KCNIP4: variants seen among roughly 807,000 people sequenced by gnomAD.
The protein encoded by KCNIP4 is potassium voltage-gated channel interacting protein 4, also known as Kv channel-interacting protein 4.
KCNIP4 carries 12 observed loss-of-function variants against 34.0 expected under a neutral mutation model. The ratio of observed to expected loss-of-function variants is 0.35; its 90% CI spans 0.23 to 0.57. The LOEUF (loss-of-function observed/expected upper bound fraction) is 0.57, where lower values mean the gene tolerates loss of function less well. KCNIP4 is among the 20% of genes least tolerant of loss of function. The pLI is 0.83. For missense variants in KCNIP4, 238 were observed against 311.7 expected (o/e 0.76, Z 1.78); for synonymous variants, 124 against 102.2 (o/e 1.21, Z -1.29).
chr4:21,595,119 T>C (rs1742538690), intron 1 of KCNIP4, among the ~76,000 whole-genome samples: 1 of 152,188 alleles, frequency 6.6e-6, no homozygotes, highest in South Asian at 2.1e-4. Context: ...TAGCTATTTG[T>C]CCTAATGCTA....
chr4:21,910,864 T>C (rs1043810143), intron 1 of KCNIP4, among the ~76,000 whole-genome samples: 1 of 152,166 alleles, frequency 6.6e-6, no homozygotes, highest in African/African-American at 2.4e-5. Flanking sequence ...GTTAAGTGAT[T>C]AGTATTTTTA....
At position 21,320,964 on chromosome 4, in the gene KCNIP4, T is replaced by TTAAA. The variant is rs1553860312; in HGVS notation, c.62-438256_62-438255insTTTA. Among the ~76,000 whole-genome samples the TTAAA allele has an allele frequency of 3.6e-4, 37 of 102,904 alleles. No individual in the cohort carries two copies. In the South Asian group the frequency reaches 7.3e-3, roughly 20 times the overall value. The allele number at this position is 102,904 out of a possible 152,430, so 67.5% of individuals were successfully genotyped here. A position where few individuals can be genotyped will look rare whatever the true frequency, so the allele number is the denominator to read the frequency against. On this transcript the variant is annotated intron_variant, in intron 1 of 8. Transcript: ENST00000382152. ...TGGGCAATAGAGCAAGAATCTGTCT[T>TTAAA]AAAAAAAAAAAAAAAAAAGAGGAAA...
chr4:21,361,466 A>T (rs1207772742), intron 1 of KCNIP4, among the ~76,000 whole-genome samples: 1 of 152,082 alleles, frequency 6.6e-6, no homozygotes, highest in Non-Finnish European at 1.5e-5. Flanking sequence ...GAAAGACATT[A>T]TCTAGCACAC....
At chr4:21,394,478 G>A (rs913877971) in intron 1 of KCNIP4, among the ~76,000 whole-genome samples, 2 of 151,978 alleles carry the variant, frequency 1.3e-5, no homozygotes, top group Non-Finnish European at 2.9e-5. Flanking sequence ...AATCAATCAT[G>A]GCCAGTCAAT....
intron 1 of KCNIP4, among the ~76,000 whole-genome samples, chr4:20,997,527 A>C (rs1028713072): frequency 2.0e-5 from 3 of 152,142 alleles, no homozygotes; most frequent in African/African-American, 7.2e-5. Flanking sequence ...ATCTGGGATA[A>C]CTCATTAACA....
intron 1 of KCNIP4, among the ~76,000 whole-genome samples, chr4:21,063,237 A>G (rs1211938589): frequency 6.6e-6 from 1 of 152,144 alleles, no homozygotes; most frequent in African/African-American, 2.4e-5. Context: ...CAGTAAGACA[A>G]TAAGTGTCTG....
intron 1 of KCNIP4, among the ~76,000 whole-genome samples, chr4:21,862,886 G>A (rs781205141): frequency 4.6e-5 from 7 of 151,688 alleles, no homozygotes; most frequent in Admixed American, 2.0e-4. Flanking sequence ...GCGTGAACCC[G>A]GGAGGCGGAG....
intron 1 of KCNIP4, among the ~76,000 whole-genome samples, chr4:21,337,948 G>C (rs1305249887): frequency 1.3e-5 from 2 of 152,076 alleles, no homozygotes; most frequent in Non-Finnish European, 2.9e-5. Flanking sequence ...ATCATAGGAA[G>C]TCAGAGGCGG....
chr4:21,375,288 G>A (rs144144117), intron 1 of KCNIP4, among the ~76,000 whole-genome samples: 1 of 152,194 alleles, frequency 6.6e-6, no homozygotes, highest in Non-Finnish European at 1.5e-5. Context: ...AATGTCTTCT[G>A]AAACTGAGTC....
At chr4:20,884,421 C>T (rs1433463267) in intron 1 of KCNIP4, among the ~76,000 whole-genome samples, 1 of 151,920 alleles carries the variant, frequency 6.6e-6, no homozygotes, top group East Asian at 1.9e-4. Context: ...CTGACAGACC[C>T]CCGTGTGTGA....
At chr4:21,931,270 G>GT (rs756746838) in intron 1 of KCNIP4, among the ~76,000 whole-genome samples, 44 of 147,926 alleles carry the variant, frequency 3.0e-4, no homozygotes, top group South Asian at 6.4e-4. Context: ...CCTTTTCTTT[G>GT]TTTTTTTTAA....
At chr4:21,250,567 G>A (rs1010254709) in intron 1 of KCNIP4, among the ~76,000 whole-genome samples, 17 of 152,134 alleles carry the variant, frequency 1.1e-4, no homozygotes, top group African/African-American at 3.6e-4. Context: ...GGTATCAAGA[G>A]TGACAGTTAC....
intron 3 of KCNIP4, among the ~76,000 whole-genome samples, chr4:20,788,528 C>T (rs1336505285): frequency 6.6e-6 from 1 of 152,066 alleles, no homozygotes; most frequent in Non-Finnish European, 1.5e-5. Flanking sequence ...AACAGAAAAT[C>T]CAATCTCAGC....
chr4:21,247,578 C>CATATATATATATATATATATAT (rs368574338), intron 1 of KCNIP4, among the ~76,000 whole-genome samples: 10 of 133,976 alleles, frequency 7.5e-5, no homozygotes, highest in East Asian at 6.6e-4. Context: ...GATATAAATA[C>CATATATATATATATATATATAT]ATATATATAT....
chr4:21,525,546 T>A (rs1299739944), intron 1 of KCNIP4, among the ~76,000 whole-genome samples: 7 of 152,182 alleles, frequency 4.6e-5, no homozygotes, highest in Non-Finnish European at 8.8e-5. Flanking sequence ...GTATCCTAAA[T>A]AATTTACTCA....
At chr4:21,031,714 G>A (rs1741040980) in intron 1 of KCNIP4, among the ~76,000 whole-genome samples, 1 of 152,058 alleles carries the variant, frequency 6.6e-6, no homozygotes, top group African/African-American at 2.4e-5. Context: ...AAATGCCTTG[G>A]GCTAAATGAA....
chr4:20,869,143 T>C (rs946436027), intron 2 of KCNIP4, among the ~76,000 whole-genome samples: 19 of 152,102 alleles, frequency 1.2e-4, no homozygotes, highest in Admixed American at 2.0e-4. Context: ...AGCATAGTTA[T>C]AATAAATTTT....
intron 1 of KCNIP4, among the ~76,000 whole-genome samples, chr4:21,628,929 G>T (rs1745522214): frequency 6.6e-6 from 1 of 152,044 alleles, no homozygotes; most frequent in Non-Finnish European, 1.5e-5. Flanking sequence ...AATTATATAA[G>T]AATTTCACAA....
intron 1 of KCNIP4, among the ~76,000 whole-genome samples, chr4:21,732,154 T>G (rs895640669): frequency 2.0e-5 from 3 of 152,034 alleles, no homozygotes; most frequent in African/African-American, 7.2e-5. Context: ...AGGTGTAATG[T>G]GCCCAGTAAT....
Sources: allele counts gnomAD v4.1 joint callset (sites outside exome capture counted in the v4.1 genomes callset), GRCh38; gene constraint gnomAD v4.1.1; transcripts MANE v1.5; gene names NCBI Gene and HGNC (gene_info 2026-07-23, HGNC 2026-07-21).